Variants in BCAS3 observed in about 807,000 individuals in gnomAD.
The protein encoded by BCAS3 is BCAS3 microtubule associated cell migration factor.
BCAS3 carries 53 observed loss-of-function variants against 116.1 expected under a neutral mutation model. The observed-to-expected ratio is 0.46, with a 90% CI of 0.37 to 0.57. BCAS3 has a LOEUF of 0.57. Ranked by LOEUF, BCAS3 falls within the 20% of genes least tolerant of loss-of-function variation. The probability of loss-of-function intolerance (pLI) is 0.00; values close to 1 mark genes in which losing one functional copy is unlikely to be tolerated. For missense variants in BCAS3, 917 were observed against 1,165.4 expected (o/e 0.79, Z 3.10); for synonymous variants, 391 against 408.2 (o/e 0.96, Z 0.51).
chr17:60,909,563 G>A (rs771842542), intron 11 of BCAS3, among the ~76,000 whole-genome samples: 1 of 151,926 alleles, frequency 6.6e-6, no homozygotes, highest in South Asian at 2.1e-4. Flanking sequence ...GTATTCTAGG[G>A]TGCCTGTTTT....
chr17:61,197,133 A>T (rs2144260428), intron 22 of BCAS3, among the ~76,000 whole-genome samples: 1 of 152,358 alleles, frequency 6.6e-6, no homozygotes, highest in East Asian at 1.9e-4. Context: ...TTATTTTTGT[A>T]ACCTGTTGAT....
At chr17:61,350,972 C>CA (rs1177025269) in intron 22 of BCAS3, among the ~76,000 whole-genome samples, 1 of 152,160 alleles carries the variant, frequency 6.6e-6, no homozygotes, top group Non-Finnish European at 1.5e-5. Flanking sequence ...CCATTTGCCA[C>CA]AACTTGGAGT....
At chr17:61,067,343 TTTAGA>T (rs1389344883) in intron 19 of BCAS3, among the ~76,000 whole-genome samples, 2 of 138,900 alleles carry the variant, frequency 1.4e-5, no homozygotes, top group Admixed American at 7.2e-5. Flanking sequence ...GTATTTTTGG[TTTAGA>T]TTAACAGGAC....
chr17:61,236,653 A>C (rs934329848), intron 22 of BCAS3, among the ~76,000 whole-genome samples: 1 of 152,206 alleles, frequency 6.6e-6, no homozygotes, highest in Non-Finnish European at 1.5e-5. Context: ...CTATGGACAA[A>C]GCCCTGTGTT....
intron 5 of BCAS3, among the ~76,000 whole-genome samples, chr17:60,710,324 A>G (rs1057284333): frequency 2.0e-5 from 3 of 152,006 alleles, no homozygotes; most frequent in Non-Finnish European, 4.4e-5. Flanking sequence ...GCAAACATGT[A>G]TTACCTCAGA....
rs921466785 is a variant in BCAS3, at chr17:60,993,139, T to G, written c.1486+2904T>G. On this transcript the variant is annotated intron_variant, in intron 15 of 23. Transcript: ENST00000407086. The surrounding 1 kb of genome is among the most constrained non-coding windows in gnomAD (Gnocchi z 4.2). ...TTCAAGCATAATGTGCACAAAAGAT[T>G]GTGGGCATTCCTACCCTCATAGATC... Among the ~76,000 whole-genome samples, 1 of 152,346 alleles carries G rather than the reference T, an allele frequency of 6.6e-6. No homozygotes were observed. Among genetic ancestry groups the G allele is most frequent in the African/African-American group, 2.4e-5 (1 of 41,580 alleles).
Position 61,380,538 on chromosome 17 carries a change from C to T in BCAS3, c.2594-11439C>T. 4.4e-6 allele frequency: 7 copies of T among 1,598,214 alleles called. No individual in the cohort carries two copies. The highest frequency in any genetic ancestry group is 4.2e-6 in the Non-Finnish European group (5 of 1,179,656). On this transcript the variant is annotated intron_variant, in intron 23 of 23. Coordinates refer to ENST00000407086, the MANE Select transcript of BCAS3 (RefSeq NM_017679.5). This position sits in a 1 kb window ranked among gnomAD's most constrained non-coding sequence, Gnocchi z 4.2. The stretch of plus-strand genomic sequence containing the variant: ...CCTTGACGTAGCAGTAAAAACCTTC[C>T]CCCCTGAGAGACACGTGGCAGTGAA...
Position 61,141,429 on chromosome 17 carries a change from G to C in BCAS3, c.2425+56865G>C, listed in dbSNP as rs2076909995. On this transcript the variant is annotated intron_variant, in intron 22 of 23. Coordinates refer to ENST00000407086, the MANE Select transcript of BCAS3 (RefSeq NM_017679.5). This position sits in a 1 kb window ranked among gnomAD's most constrained non-coding sequence, Gnocchi z 4.3. Reference sequence around the variant, plus strand: ...TAAAAGTAACCAGGTATAGTAGCAGGAGTCCATAGTCCCAGCTACTTGGGA... The same window carrying C: ...TAAAAGTAACCAGGTATAGTAGCAGCAGTCCATAGTCCCAGCTACTTGGGA... Among the ~76,000 whole-genome samples the C allele has an allele frequency of 6.6e-6, 1 of 152,086 alleles. No individual in the cohort carries two copies. Among genetic ancestry groups the C allele is most frequent in the Non-Finnish European group, 1.5e-5 (1 of 67,990 alleles).
At chr17:60,684,678 T>G (rs756428461) in intron 3 of BCAS3, among the ~76,000 whole-genome samples, 1 of 152,118 alleles carries the variant, frequency 6.6e-6, no homozygotes, top group Non-Finnish European at 1.5e-5. Context: ...TGGTAACTTG[T>G]AGCAATAGTA....
chr17:60,996,099 T>C (rs2145454453), intron 15 of BCAS3, among the ~76,000 whole-genome samples: 1 of 152,054 alleles, frequency 6.6e-6, no homozygotes, highest in South Asian at 2.1e-4. Context: ...GGTGATGAGA[T>C]CGGAGAGGTA....
chr17:61,243,955 TTTTAAG>T lies in BCAS3; in HGVS notation c.2426-124368_2426-124363del, dbSNP rs1479558515. Among the ~76,000 whole-genome samples, 2 of 152,206 alleles carry T rather than the reference TTTTAAG, an allele frequency of 1.3e-5. No homozygotes were observed. The highest frequency in any genetic ancestry group is 4.2e-4 in the South Asian group (2 of 4,818). ...TGTGCACTACCACAACCTGCTAATT[TTTTAAG>T]TTTTTTTTTTCAAGAGACAGAGTCT... On this transcript the variant is annotated intron_variant, in intron 22 of 23. Coordinates refer to ENST00000407086, the MANE Select transcript of BCAS3 (RefSeq NM_017679.5). The surrounding 1 kb of genome is among the most constrained non-coding windows in gnomAD (Gnocchi z 5.6).
At chr17:60,740,320 C>CT (rs540385109) in intron 5 of BCAS3, among the ~76,000 whole-genome samples, 47 of 151,554 alleles carry the variant, frequency 3.1e-4, no homozygotes, top group African/African-American at 1.1e-3. Flanking sequence ...ATGGTGAAAC[C>CT]TCATCTCTAC....
At position 60,964,406 on chromosome 17, in the gene BCAS3, C is replaced by T. The variant is rs905406449; in HGVS notation, c.1221+17054C>T. The stretch of plus-strand genomic sequence containing the variant: ...AATCCCATTTGATATTATAAATGAT[C>T]TTTTTAGTGTGTTGTTGAATTCTGT... On this transcript the variant is annotated intron_variant, in intron 14 of 23. Transcript: ENST00000407086. This position sits in a 1 kb window ranked among gnomAD's most constrained non-coding sequence, Gnocchi z 4.6. Among the ~76,000 whole-genome samples, 1 of 152,090 alleles carries T rather than the reference C, an allele frequency of 6.6e-6. No individual in the cohort carries two copies. The highest frequency in any genetic ancestry group is 1.5e-5 in the Non-Finnish European group (1 of 68,006).
At position 60,797,051 on chromosome 17, in the gene BCAS3, T is replaced by A. The variant is rs113740401; in HGVS notation, c.404-10953T>A. Reference sequence around the variant, plus strand: ...CTGGGATTACAGGTGTGTGCCACCATGCCCAGCTAATTCTCTGTATTTTTA... The same window carrying A: ...CTGGGATTACAGGTGTGTGCCACCAAGCCCAGCTAATTCTCTGTATTTTTA... On this transcript the variant is annotated intron_variant, in intron 6 of 23. Transcript: ENST00000407086. 6.1e-3 allele frequency among the ~76,000 whole-genome samples: 919 copies of A among 150,830 alleles called. 4 individuals carry two copies. Among genetic ancestry groups the A allele is most frequent in the African/African-American group, 0.021 (870 of 41,118 alleles).
chr17:60,945,281 G>C (rs944067331), intron 13 of BCAS3, among the ~76,000 whole-genome samples: 3 of 152,088 alleles, frequency 2.0e-5, no homozygotes, highest in African/African-American at 7.2e-5. Flanking sequence ...TGTGTTAATA[G>C]ATCAGAAGGC....
intron 5 of BCAS3, among the ~76,000 whole-genome samples, chr17:60,716,682 G>A (rs958492827): frequency 5.3e-5 from 8 of 150,672 alleles, no homozygotes; most frequent in African/African-American, 1.7e-4. Flanking sequence ...ACCACTGCAC[G>A]CCAGCCTGGG....
At chr17:60,806,604 T>A (rs1037048432) in intron 6 of BCAS3, among the ~76,000 whole-genome samples, 1 of 151,784 alleles carries the variant, frequency 6.6e-6, no homozygotes, top group Non-Finnish European at 1.5e-5. Flanking sequence ...CAGGCTGGAA[T>A]GCAGTGGCAC....
At chr17:61,303,330 C>T (rs963823583) in intron 22 of BCAS3, among the ~76,000 whole-genome samples, 2 of 152,120 alleles carry the variant, frequency 1.3e-5, no homozygotes, top group African/African-American at 4.8e-5. Context: ...AACAAGCACC[C>T]GTGTTTGGGG....
chr17:61,373,454 T>A (rs2059153816), intron 23 of BCAS3, among the ~76,000 whole-genome samples: 1 of 148,934 alleles, frequency 6.7e-6, no homozygotes, highest in Non-Finnish European at 1.5e-5. Context: ...TGTTAACATT[T>A]TTTTTTTCTC....
Sources: allele counts gnomAD v4.1 joint callset (sites outside exome capture counted in the v4.1 genomes callset), GRCh38; gene constraint gnomAD v4.1.1; non-coding constraint Gnocchi (gnomAD v3.1); transcripts MANE v1.5; gene names NCBI Gene and HGNC (gene_info 2026-07-23, HGNC 2026-07-21).